The following DSCAM variants were observed in gnomAD, a reference collection of about 807,000 sequenced individuals.
The protein encoded by DSCAM is DS cell adhesion molecule.
A neutral mutation model predicts 217.7 loss-of-function variants in DSCAM; 47 were observed. The observed-to-expected ratio is 0.22, with a 90% confidence interval of 0.17 to 0.28. The LOEUF (loss-of-function observed/expected upper bound fraction) is 0.28, where lower values mean the gene tolerates loss of function less well. Among genes scored for constraint, DSCAM ranks in the 10% least tolerant of loss-of-function variants. The pLI, the probability that DSCAM is intolerant of heterozygous loss-of-function variation, is 1.00. For synonymous variants in DSCAM, 1,056 were observed against 1,015.3 expected, an observed-to-expected ratio of 1.04 and a Z score of -0.76; for missense variants, 2,080 against 2,618.3, an observed-to-expected ratio of 0.79 and a Z score of 4.49.
intron 11 of DSCAM, among the ~76,000 whole-genome samples, chr21:40,224,471 T>C: frequency 6.6e-6 from 1 of 152,220 alleles, no homozygotes; most frequent in East Asian, 1.9e-4. Flanking sequence ...TCTTTCACAT[T>C]TCATCAGAAA....
At chr21:40,769,005 A>G (rs974270500) in intron 1 of DSCAM, among the ~76,000 whole-genome samples, 1 of 152,204 alleles carries the variant, frequency 6.6e-6, no homozygotes, top group Non-Finnish European at 1.5e-5. Context: ...GTGAAGTAGT[A>G]TGGTGACTAA....
intron 19 of DSCAM, among the ~76,000 whole-genome samples, chr21:40,124,981 A>T (rs75477659): frequency 2.4e-4 from 36 of 152,260 alleles, no homozygotes; most frequent in African/African-American, 8.2e-4. Context: ...TTGGCTTTGA[A>T]TGTACTGGGG....
At chr21:40,787,837 A>G (rs2091607423) in intron 1 of DSCAM, among the ~76,000 whole-genome samples, 1 of 152,188 alleles carries the variant, frequency 6.6e-6, no homozygotes, top group African/African-American at 2.4e-5. Flanking sequence ...AAATGACACT[A>G]TGACATTAAT....
At chr21:40,336,132 G>A (rs2074427641) in intron 8 of DSCAM, among the ~76,000 whole-genome samples, 1 of 152,130 alleles carries the variant, frequency 6.6e-6, no homozygotes, top group African/African-American at 2.4e-5. Context: ...TCCACCTCCT[G>A]AGCAGCACGG....
At chr21:40,718,892 G>A (rs550295310) in intron 1 of DSCAM, among the ~76,000 whole-genome samples, 3 of 152,270 alleles carry the variant, frequency 2.0e-5, no homozygotes, top group African/African-American at 7.2e-5. Flanking sequence ...TTTGGAGGCC[G>A]AGGTGTGTGG....
At chr21:40,436,658 A>G (rs1425841784) in intron 3 of DSCAM, among the ~76,000 whole-genome samples, 1 of 152,228 alleles carries the variant, frequency 6.6e-6, no homozygotes, top group Non-Finnish European at 1.5e-5. Context: ...GAGGGGTGTC[A>G]GGAACAGCTA....
intron 3 of DSCAM, among the ~76,000 whole-genome samples, chr21:40,643,411 T>A (rs1355665172): frequency 6.6e-6 from 1 of 152,196 alleles, no homozygotes; most frequent in Non-Finnish European, 1.5e-5. Context: ...TTGGTTTAAA[T>A]TCAGTTTCGC....
intron 7 of DSCAM, 36 bp downstream of exon 7, chr21:40,339,083 A>ATG (rs762721721): frequency 1.2e-6 from 2 of 1,607,476 alleles, no homozygotes; most frequent in Non-Finnish European, 1.7e-6. Flanking sequence ...ATAATGAGTT[A>ATG]TGTGTGTTTT....
At chr21:40,612,394 G>A (rs961696678) in intron 3 of DSCAM, among the ~76,000 whole-genome samples, 2 of 152,150 alleles carry the variant, frequency 1.3e-5, no homozygotes, top group Admixed American at 1.3e-4. Context: ...TGACTACCCA[G>A]AAAGCACCAT....
chr21:40,208,061 A>G (rs971109539), intron 11 of DSCAM, among the ~76,000 whole-genome samples: 3 of 152,198 alleles, frequency 2.0e-5, no homozygotes, highest in Admixed American at 6.5e-5. Context: ...GTTAGTTCCT[A>G]ATAATACCTA....
chr21:40,580,834 G>A (rs186698913), intron 3 of DSCAM, among the ~76,000 whole-genome samples: 35 of 152,284 alleles, frequency 2.3e-4, no homozygotes, highest in African/African-American at 7.9e-4. Flanking sequence ...ATTTTGAAAA[G>A]TATCTTGTGG....
At chr21:40,667,219 T>C (rs1193983031) in intron 3 of DSCAM, among the ~76,000 whole-genome samples, 1 of 152,146 alleles carries the variant, frequency 6.6e-6, no homozygotes, top group Non-Finnish European at 1.5e-5. Flanking sequence ...AGAACACACT[T>C]TCTGTTCAGA....
intron 3 of DSCAM, among the ~76,000 whole-genome samples, chr21:40,461,585 T>C (rs1310614496): frequency 6.6e-6 from 1 of 151,648 alleles, no homozygotes; most frequent in Non-Finnish European, 1.5e-5. Flanking sequence ...AATGTCCCAA[T>C]CCCCCCACAA....
chr21:40,793,336 C>T (rs536551301), intron 1 of DSCAM, among the ~76,000 whole-genome samples: 33 of 152,140 alleles, frequency 2.2e-4, no homozygotes, highest in Non-Finnish European at 3.8e-4. Flanking sequence ...GCCAAGAATG[C>T]GGAGAGAGGG....
chr21:40,180,729 C>T (rs73364106), intron 14 of DSCAM, among the ~76,000 whole-genome samples: 10,366 of 152,160 alleles, frequency 0.068, 1,125 homozygotes, highest in African/African-American at 0.23. Context: ...CTGAAACTGA[C>T]GGGGCCAATG....
intron 3 of DSCAM, among the ~76,000 whole-genome samples, chr21:40,564,688 C>T (rs749752360): frequency 6.7e-4 from 102 of 152,248 alleles, no homozygotes; most frequent in Non-Finnish European, 1.3e-3. Flanking sequence ...GGAATGAGCA[C>T]GTGAAACGGG....
At chr21:40,221,481 A>G (rs2091288838) in intron 11 of DSCAM, among the ~76,000 whole-genome samples, 2 of 148,778 alleles carry the variant, frequency 1.3e-5, no homozygotes, top group African/African-American at 4.9e-5. Flanking sequence ...AATATAAAAT[A>G]ATACATATTA....
rs10530311 is a variant in DSCAM at position 40,597,500 on chromosome 21, C to CTTTT, written c.508+95306_508+95309dup. Among the ~76,000 whole-genome samples, 107 of 75,860 alleles carry CTTTT rather than the reference C, an allele frequency of 1.4e-3. 1 individual carries two copies. Among genetic ancestry groups the CTTTT allele is most frequent in the East Asian group, 4.2e-3 (11 of 2,620 alleles). 49.8% of individuals were successfully genotyped at this position (75,860 alleles called of 152,430 possible). A position where few individuals can be genotyped will look rare whatever the true frequency, so the allele number is the denominator to read the frequency against. ...AACCTATCTTTTTTACAGTAATAGG[C>CTTTT]TTTTTTTTTTTTTTTTTTTTTTTGG... On this transcript the variant is annotated intron_variant, in intron 3 of 32. Transcript: ENST00000400454.
intron 24 of DSCAM, among the ~76,000 whole-genome samples, chr21:40,082,455 G>A (rs946407554): frequency 7.2e-5 from 11 of 152,074 alleles, no homozygotes; most frequent in African/African-American, 2.4e-4. Context: ...GTGAGACTCC[G>A]TCTCAACAAA....
Sources: allele counts gnomAD v4.1 joint callset (sites outside exome capture counted in the v4.1 genomes callset), GRCh38; gene constraint gnomAD v4.1.1; transcripts MANE v1.5; gene names NCBI Gene and HGNC (gene_info 2026-07-23, HGNC 2026-07-21).